LINGO2: variants seen among roughly 807,000 people sequenced by gnomAD.
LINGO2 encodes the protein leucine-rich repeat and immunoglobulin-like domain-containing nogo receptor-interacting protein 2.
LINGO2 carries 14 observed loss-of-function variants against 30.6 expected under a neutral mutation model. The observed-to-expected ratio is 0.46, with a 90% CI of 0.30 to 0.72. The LOEUF (loss-of-function observed/expected upper bound fraction) is 0.72. Among genes scored for constraint, LINGO2 ranks in the 30% least tolerant of loss-of-function variants. The probability of loss-of-function intolerance (pLI) is 0.07; values close to 1 mark genes in which losing one functional copy is unlikely to be tolerated. For missense variants in LINGO2, 729 were observed against 751.7 expected (o/e 0.97, Z 0.35); for synonymous variants, 317 against 288.5 (o/e 1.10, Z -1.00).
At chr9:27,983,285 G>A (rs1453171052) in intron 5 of LINGO2, among the ~76,000 whole-genome samples, 2 of 151,870 alleles carry the variant, frequency 1.3e-5, no homozygotes, top group Non-Finnish European at 2.9e-5. Context: ...AAGACAATGA[G>A]ACTGGTGTAC....
chr9:28,301,988 G>C (rs1449443837), intron 3 of LINGO2, among the ~76,000 whole-genome samples: 1 of 152,150 alleles, frequency 6.6e-6, no homozygotes, highest in East Asian at 1.9e-4. Context: ...AGCTTCCTCT[G>C]TGAAGGAGAA....
Position 28,165,408 on chromosome 9 carries a change from C to G in LINGO2, c.-87+129800G>C, listed in dbSNP as rs1164247027. Among the ~76,000 whole-genome samples, 3 of 152,286 alleles carry G rather than the reference C, an allele frequency of 2.0e-5. No homozygotes were observed. The East Asian group carries it at 5.8e-4, about 29-fold the overall frequency. On this transcript the variant is annotated intron_variant, in intron 4 of 5. Coordinates refer to ENST00000379992, the Ensembl canonical transcript of LINGO2. ...AATAAAAGGATGGGAGGTAATTCAT[C>G]ACTGTCCTTCCACTAATCACTCCCA...
chr9:29,046,619 A>G, the LINGO2 span, among the ~76,000 whole-genome samples: 8 of 152,172 alleles, frequency 5.3e-5, no homozygotes, highest in African/African-American at 1.9e-4. Context: ...AATTACATGT[A>G]AAACCCAAAA....
chr9:28,317,686 C>T (rs1286035489), intron 3 of LINGO2, among the ~76,000 whole-genome samples: 1 of 152,142 alleles, frequency 6.6e-6, no homozygotes, highest in Non-Finnish European at 1.5e-5. Context: ...TATTTGCTTT[C>T]TCCCTTTTCT....
At chr9:28,846,893 G>A in the LINGO2 span, among the ~76,000 whole-genome samples, 2 of 145,734 alleles carry the variant, frequency 1.4e-5, no homozygotes, top group African/African-American at 2.6e-5. Context: ...GCAGTGTTCT[G>A]CTCCTCCTAC....
intron 2 of LINGO2, among the ~76,000 whole-genome samples, chr9:28,437,557 A>G (rs1823998088): frequency 6.7e-6 from 1 of 148,420 alleles, no homozygotes; most frequent in South Asian, 2.1e-4. Context: ...ACGCACACAC[A>G]CACACACACA....
chr9:27,981,485 T>C (rs554331837), intron 5 of LINGO2, among the ~76,000 whole-genome samples: 3 of 139,266 alleles, frequency 2.2e-5, no homozygotes, highest in East Asian at 2.1e-4. Context: ...TTTTGAAGTA[T>C]GGTTTTGTTT....
At chr9:28,873,305 G>A in the LINGO2 span, among the ~76,000 whole-genome samples, 1 of 151,170 alleles carries the variant, frequency 6.6e-6, no homozygotes, top group Non-Finnish European at 1.5e-5. Context: ...GGGAGGCAGA[G>A]GTTGCAGTGA....
intron 4 of LINGO2, among the ~76,000 whole-genome samples, chr9:28,123,484 T>C (rs1476798810): frequency 1.3e-5 from 2 of 152,114 alleles, no homozygotes; most frequent in Admixed American, 1.3e-4. Flanking sequence ...AAGGACACAT[T>C]TTCTAGATAG....
chr9:28,477,201 C>G (rs1245831067), intron 1 of LINGO2, among the ~76,000 whole-genome samples: 1 of 152,154 alleles, frequency 6.6e-6, no homozygotes, highest in Non-Finnish European at 1.5e-5. Flanking sequence ...GACACTGCCA[C>G]TTGTGTGACC....
intron 3 of LINGO2, among the ~76,000 whole-genome samples, chr9:28,341,189 C>G (rs1476956188): frequency 6.6e-6 from 1 of 152,014 alleles, no homozygotes; most frequent in African/African-American, 2.4e-5. Context: ...AAATCCATCT[C>G]TTACAGCACA....
intron 4 of LINGO2, among the ~76,000 whole-genome samples, chr9:28,105,637 G>A (rs1826564778): frequency 6.6e-6 from 1 of 152,056 alleles, no homozygotes; most frequent in Non-Finnish European, 1.5e-5. Flanking sequence ...TCTGTGGGAG[G>A]TAATTAAGAT....
At chr9:28,590,391 T>C (rs1241889946) in intron 1 of LINGO2, among the ~76,000 whole-genome samples, 2 of 151,996 alleles carry the variant, frequency 1.3e-5, no homozygotes, top group African/African-American at 4.8e-5. Flanking sequence ...GGAGAAAATT[T>C]TTGCAACCTA....
At chr9:28,082,677 T>C (rs1376495367) in intron 4 of LINGO2, among the ~76,000 whole-genome samples, 2 of 152,162 alleles carry the variant, frequency 1.3e-5, no homozygotes, top group African/African-American at 4.8e-5. Flanking sequence ...AAAACTACGT[T>C]CTATTCTCCA....
chr9:28,560,187 T>C (rs1378104124), intron 1 of LINGO2, among the ~76,000 whole-genome samples: 1 of 152,130 alleles, frequency 6.6e-6, no homozygotes, highest in East Asian at 1.9e-4. Context: ...TATGTATCTG[T>C]ATAGCTGGCC....
chr9:28,980,634 G>A, the LINGO2 span, among the ~76,000 whole-genome samples: 11 of 151,904 alleles, frequency 7.2e-5, no homozygotes, highest in East Asian at 1.9e-4. Flanking sequence ...GACTGCTCCC[G>A]CCATCTCCAA....
At chr9:29,066,090 G>A in the LINGO2 span, among the ~76,000 whole-genome samples, 1 of 151,876 alleles carries the variant, frequency 6.6e-6, no homozygotes, top group African/African-American at 2.4e-5. Context: ...AGTATCATAA[G>A]GGGAGAGAAA....
At chr9:28,870,710 A>C in the LINGO2 span, among the ~76,000 whole-genome samples, 1 of 147,180 alleles carries the variant, frequency 6.8e-6, no homozygotes, top group Non-Finnish European at 1.5e-5. Context: ...AAGCATAAAA[A>C]GAAGCAACAA....
the LINGO2 span, among the ~76,000 whole-genome samples, chr9:29,056,157 T>C: frequency 6.6e-6 from 1 of 152,018 alleles, no homozygotes; most frequent in Admixed American, 6.6e-5. Flanking sequence ...GATCAAATGG[T>C]AGTTCTTTAA....
Sources: allele counts gnomAD v4.1 joint callset (sites outside exome capture counted in the v4.1 genomes callset), GRCh38; gene constraint gnomAD v4.1.1; transcripts MANE v1.5; gene names NCBI Gene and HGNC (gene_info 2026-07-23, HGNC 2026-07-21).